Variants in RNF214 observed in about 807,000 individuals in gnomAD.
The protein encoded by RNF214 is ring finger protein 214.
A neutral mutation model predicts 75.9 loss-of-function variants in RNF214; 25 were observed. That is an observed-to-expected ratio of 0.33 (90% CI 0.24 to 0.46). RNF214 has a LOEUF of 0.46. Among genes scored for constraint, RNF214 ranks in the 20% least tolerant of loss-of-function variants. The pLI is 1.00. For synonymous variants in RNF214, 314 were observed against 308.8 expected (o/e 1.02, Z -0.18); for missense variants, 725 against 857.5 (o/e 0.85, Z 1.93).
intron 9 of RNF214, 90 bp downstream of exon 9, chr11:117,281,494 TG>T: frequency 2.2e-6 from 3 of 1,375,200 alleles, no homozygotes; most frequent in Non-Finnish European, 3.1e-6. Context: ...CATTGCCATT[TG>T]GGGCCTATCC....
intron 3 of RNF214, 101 bp from the exon 4 acceptor site, chr11:117,239,700 G>C: frequency 4.2e-6 from 3 of 714,850 alleles, no homozygotes; most frequent in Non-Finnish European, 7.6e-6. Flanking sequence ...AGGGGAAAGA[G>C]TAAAAAGTTA....
intron 5 of RNF214, 150 bp from the exon 6 acceptor site, chr11:117,246,659 G>T: frequency 1.4e-6 from 1 of 717,250 alleles, no homozygotes; most frequent in South Asian, 3.2e-5. Context: ...CTGGCTTTTG[G>T]AGCTACTCAT....
intron 6 of RNF214, among the ~76,000 whole-genome samples, chr11:117,250,987 A>C (rs1432338848): frequency 2.1e-5 from 3 of 145,304 alleles, no homozygotes; most frequent in African/African-American, 7.7e-5. Flanking sequence ...AGTACAGAAC[A>C]AAATGAAAAG....
In RNF214 at chr11:117,263,286, C is replaced by A. The variant is rs12295514; in HGVS notation, c.959+16338C>A. Among the ~76,000 whole-genome samples, 165 of 135,784 alleles carry A rather than the reference C, an allele frequency of 1.2e-3. 1 individual carries two copies. Among genetic ancestry groups the A allele is most frequent in the African/African-American group, 4.2e-3 (152 of 35,826 alleles). The allele number at this position is 135,784 out of a possible 152,430, so 89.1% of individuals were successfully genotyped here. On this transcript the variant is annotated intron_variant, in intron 6 of 14. Transcript: ENST00000300650. The stretch of plus-strand genomic sequence containing the variant: ...GACAGATTAACAGGAGAAAAAAAAA[C>A]TTTTTTTTTTTTGAGATGGAGTCTC...
chr11:117,248,976 T>C (rs1455674387), intron 6 of RNF214, among the ~76,000 whole-genome samples: 1 of 152,070 alleles, frequency 6.6e-6, no homozygotes, highest in Non-Finnish European at 1.5e-5. Flanking sequence ...CAGGCTGGAG[T>C]GCAGTGGCGC....
At chr11:117,263,361 C>A (rs993149805) in intron 6 of RNF214, among the ~76,000 whole-genome samples, 3 of 151,902 alleles carry the variant, frequency 2.0e-5, no homozygotes, top group Non-Finnish European at 2.9e-5. Context: ...CTGCAACCTC[C>A]GCCTACTGGG....
At chr11:117,238,571 ACTTTT>A (rs2032977067) in intron 2 of RNF214, 25 bp from the exon 3 acceptor site, 1 of 1,569,830 alleles carries the variant, frequency 6.4e-7, no homozygotes, top group Non-Finnish European at 8.6e-7. Flanking sequence ...AGTATTATAT[ACTTTT>A]CTTTTTATCT....
In RNF214 at chr11:117,237,116, G is replaced by A. The variant is rs990029845; in HGVS notation, c.108-1485G>A. ...TATTATTGAGACAGGGTCTCCATCT[G>A]TCATCCAGGCTGGAGTACAGTGGTG... is the stretch of plus-strand genomic sequence containing the variant. On this transcript the variant is annotated intron_variant, in intron 2 of 14. Transcript: ENST00000300650. Among the ~76,000 whole-genome samples, 16 of 152,172 alleles carry A rather than the reference G, an allele frequency of 1.1e-4. 1 individual carries two copies. Among genetic ancestry groups the A allele is most frequent in the Non-Finnish European group, 4.4e-5 (3 of 68,036 alleles).
chr11:117,232,791 G>A (rs1428024977), intron 1 of RNF214, 65 bp downstream of exon 1: 1 of 151,242 alleles, frequency 6.6e-6, no homozygotes, highest in Non-Finnish European at 1.5e-5. Context: ...TGCGGGGCGA[G>A]CGTGGGTGGG....
At chr11:117,267,455 T>C (rs2033819414) in intron 6 of RNF214, among the ~76,000 whole-genome samples, 1 of 152,144 alleles carries the variant, frequency 6.6e-6, no homozygotes, top group South Asian at 2.1e-4. Context: ...CTCACACCTG[T>C]AATTTCAGCA....
chr11:117,247,590 C>T (rs914395052), intron 6 of RNF214, among the ~76,000 whole-genome samples: 1 of 134,434 alleles, frequency 7.4e-6, no homozygotes, highest in Non-Finnish European at 1.6e-5. Context: ...CAGTGGCTCA[C>T]GCCTGTAATC....
rs2034249004 is a variant in RNF214, at chr11:117,285,944, A to G, written c.*793A>G. 6.6e-6 allele frequency: 1 copy of G among 152,438 alleles called. No individual in the cohort carries two copies. Among genetic ancestry groups the G allele is most frequent in the South Asian group, 2.1e-4 (1 of 4,816 alleles). The allele number at this position is 152,438 out of a possible 1,614,324, so 9.4% of individuals were successfully genotyped here. ...GCTGCCACTGTCTTGGCTTCTAATC[A>G]AGCTCTGACAGGCCAACATTGTGAA... On this transcript the variant is annotated 3_prime_UTR_variant, in exon 15 of 15. Transcript: ENST00000300650.
intron 8 of RNF214, among the ~76,000 whole-genome samples, chr11:117,281,073 C>G (rs1193282084): frequency 6.8e-6 from 1 of 147,296 alleles, no homozygotes; most frequent in Non-Finnish European, 1.5e-5. Flanking sequence ...CTCCTGAGCA[C>G]AAGCCATCCT....
chr11:117,244,636 C>T (rs1175803889), intron 5 of RNF214, 51 bp downstream of exon 5: 6 of 1,411,552 alleles, frequency 4.3e-6, no homozygotes, highest in Non-Finnish European at 5.7e-6. Context: ...AGTCTCTGAT[C>T]AAACTTTAAT....
chr11:117,279,988 G>T lies in RNF214; in HGVS notation c.1040G>T (p.Arg347Leu). 1 of 1,612,504 alleles carries T rather than the reference G, an allele frequency of 6.2e-7. No individual in the cohort carries two copies. Among genetic ancestry groups the T allele is most frequent in the Non-Finnish European group, 8.5e-7 (1 of 1,179,168 alleles). ...INRNIMEETE[R>L]AWKAEILSLE... The stretch of plus-strand genomic sequence containing the variant: ...AGGAACATTATGGAAGAGACTGAAC[G>T]GGCCTGGAAGGCAGAGGTGAGAAGA... The change falls in exon 7 of 15, where the codon CGG becomes CTG. Residue 347 changes from arginine to leucine, a missense_variant. Arg to Leu is a moderately radical substitution (Grantham distance 102). Around this residue, in one of 2 missense-constraint regions of RNF214, gnomAD observed 363 missense variants for 513.0 expected, o/e 0.71. Transcript: ENST00000300650.
At chr11:117,244,033 G>A (rs2033147589) in intron 4 of RNF214, among the ~76,000 whole-genome samples, 1 of 152,196 alleles carries the variant, frequency 6.6e-6, no homozygotes, top group African/African-American at 2.4e-5. Flanking sequence ...CTAGGCTAAA[G>A]TGCAGTGGCA....
intron 6 of RNF214, among the ~76,000 whole-genome samples, chr11:117,251,383 AC>A (rs1322509297): frequency 3.4e-5 from 4 of 119,238 alleles, no homozygotes; most frequent in East Asian, 2.6e-4. Flanking sequence ...CGGGGGGCTG[AC>A]CCCCCCACCT....
At chr11:117,247,052 T>TG (rs1225152507) in intron 6 of RNF214, 104 bp downstream of exon 6, 1 of 998,838 alleles carries the variant, frequency 1.0e-6, no homozygotes, top group East Asian at 2.6e-5. Flanking sequence ...AATTTTTATT[T>TG]GAAAAACAAG....
At chr11:117,282,888 A>G in intron 13 of RNF214, 38 bp downstream of exon 13, 3 of 1,499,330 alleles carry the variant, frequency 2.0e-6, no homozygotes, top group Non-Finnish European at 2.8e-6. Context: ...GATATGGAGA[A>G]GCTGGAGGTG....
Sources: allele counts gnomAD v4.1 joint callset (sites outside exome capture counted in the v4.1 genomes callset), GRCh38; gene constraint gnomAD v4.1.1; regional missense constraint gnomAD v4.1.1; transcripts MANE v1.5; gene names NCBI Gene and HGNC (gene_info 2026-07-23, HGNC 2026-07-21).